Variants in CDH2 observed in about 807,000 individuals in gnomAD.
CDH2 encodes the protein cadherin 2.
In CDH2, 17 loss-of-function variants were observed where a neutral mutation model predicts 92.0. That is an observed-to-expected ratio of 0.18 (90% CI 0.13 to 0.28). The LOEUF (loss-of-function observed/expected upper bound fraction) is 0.28, where lower values mean the gene tolerates loss of function less well. CDH2 is among the 10% of genes least tolerant of loss of function. The probability of loss-of-function intolerance (pLI) is 1.00; values close to 1 mark genes in which losing one functional copy is unlikely to be tolerated. For synonymous variants in CDH2, 419 were observed against 415.9 expected (o/e 1.01, Z -0.09); for missense variants, 862 against 1,133.1 (o/e 0.76, Z 3.44).
At chr18:27,969,122 G>A (rs1277259509) in intron 14 of CDH2, among the ~76,000 whole-genome samples, 1 of 152,174 alleles carries the variant, frequency 6.6e-6, no homozygotes, top group Admixed American at 6.5e-5. Flanking sequence ...GTGAAACGAT[G>A]TGGAAAACTA....
At chr18:27,986,811 C>T (rs1353416263) in intron 11 of CDH2, among the ~76,000 whole-genome samples, 6 of 152,176 alleles carry the variant, frequency 3.9e-5, no homozygotes, top group African/African-American at 1.4e-4. Context: ...ACCACCATGA[C>T]CACTATGATA....
rs2014013411 is a variant in CDH2, at chr18:28,043,890, A to AGTT, written c.173-29982_173-29981insAAC. ...AGTCTCATCTTTCTCAGAATCTCGG[A>AGTT]TTTTTTTTTTTTTTTTTTTTTTTTT... On this transcript the variant is annotated intron_variant, in intron 2 of 15. Transcript: ENST00000269141. 8.5e-4 allele frequency among the ~76,000 whole-genome samples: 78 copies of AGTT among 91,466 alleles called. 2 individuals carry two copies. The highest frequency in any genetic ancestry group is 2.5e-3 in the African/African-American group (65 of 25,766). The allele number at this position is 91,466 out of a possible 152,430, so 60.0% of individuals were successfully genotyped here. A position where few individuals can be genotyped will look rare whatever the true frequency, so the allele number is the denominator to read the frequency against.
chr18:28,037,955 A>G (rs1431942239), intron 2 of CDH2, among the ~76,000 whole-genome samples: 2 of 152,200 alleles, frequency 1.3e-5, no homozygotes, highest in Non-Finnish European at 2.9e-5. Context: ...ATGGGTAGCT[A>G]ATAGTATGTG....
intron 1 of CDH2, among the ~76,000 whole-genome samples, chr18:28,161,580 G>GAAAAAAAAAAAAAAAAAAAAAA (rs35615619): frequency 2.0e-5 from 1 of 49,790 alleles, no homozygotes; most frequent in African/African-American, 7.8e-5. Context: ...ACCCTGTCTC[G>GAAAAAAAAAAAAAAAAAAAAAA]AAAAAAAAAA....
chr18:28,167,220 G>C (rs187580946), intron 1 of CDH2, among the ~76,000 whole-genome samples: 1 of 152,238 alleles, frequency 6.6e-6, no homozygotes, highest in African/African-American at 2.4e-5. Context: ...AAGGACAAGA[G>C]AGACTATAAC....
At chr18:28,027,225 T>C (rs1230319863) in intron 2 of CDH2, among the ~76,000 whole-genome samples, 1 of 152,062 alleles carries the variant, frequency 6.6e-6, no homozygotes, top group Non-Finnish European at 1.5e-5. Context: ...AGGCCTCAGC[T>C]TGAGTGACCT....
chr18:27,990,387 A>G (rs770952104), intron 9 of CDH2, 37 bp from the exon 10 acceptor site: 8 of 1,583,318 alleles, frequency 5.1e-6, no homozygotes, highest in Non-Finnish European at 6.9e-6. Context: ...TTTGCAGGAA[A>G]TAAGAATGCT....
intron 2 of CDH2, among the ~76,000 whole-genome samples, chr18:28,050,746 C>A (rs918898455): frequency 6.6e-6 from 1 of 152,168 alleles, no homozygotes; most frequent in Non-Finnish European, 1.5e-5. Context: ...ATTCCCACCC[C>A]CAGATGGTCC....
intron 2 of CDH2, among the ~76,000 whole-genome samples, chr18:28,084,054 A>C (rs550501567): frequency 6.6e-6 from 1 of 152,196 alleles, no homozygotes; most frequent in South Asian, 2.1e-4. Flanking sequence ...ATCAGCCATG[A>C]AGACTTTTGT....
intron 15 of CDH2, among the ~76,000 whole-genome samples, chr18:27,956,634 T>C (rs969458260): frequency 6.6e-6 from 1 of 152,118 alleles, no homozygotes; most frequent in Non-Finnish European, 1.5e-5. Context: ...TTCCAGCTTC[T>C]TTCCTACAAA....
chr18:27,949,278 G>A (rs2143845360), downstream of CDH2, among the ~76,000 whole-genome samples: 1 of 152,050 alleles, frequency 6.6e-6, no homozygotes, highest in Non-Finnish European at 1.5e-5. Flanking sequence ...GCACTTTTAA[G>A]CATGCTAAAA....
intron 7 of CDH2, among the ~76,000 whole-genome samples, chr18:27,996,143 T>C (rs922095130): frequency 6.6e-6 from 1 of 152,148 alleles, no homozygotes; most frequent in Non-Finnish European, 1.5e-5. Flanking sequence ...AACTCGCCTA[T>C]TTTACAAAAG....
At chr18:27,984,587 C>CT (rs1156704100) in intron 13 of CDH2, among the ~76,000 whole-genome samples, 2 of 152,154 alleles carry the variant, frequency 1.3e-5, no homozygotes, top group Non-Finnish European at 2.9e-5. Flanking sequence ...GCTGACTGTG[C>CT]TTTATATGAA....
At chr18:28,082,573 T>G (rs957667160) in intron 2 of CDH2, among the ~76,000 whole-genome samples, 2 of 152,146 alleles carry the variant, frequency 1.3e-5, no homozygotes, top group Non-Finnish European at 2.9e-5. Context: ...TTAATTTACA[T>G]TTTTTTCCTA....
intron 6 of CDH2, among the ~76,000 whole-genome samples, chr18:27,940,373 C>T (rs1325336176): frequency 6.6e-6 from 1 of 152,080 alleles, no homozygotes; most frequent in Non-Finnish European, 1.5e-5. Flanking sequence ...GGGAGCCAGG[C>T]AGTATTTTCA....
At chr18:28,124,812 T>C (rs1047038316) in intron 2 of CDH2, among the ~76,000 whole-genome samples, 7 of 152,210 alleles carry the variant, frequency 4.6e-5, no homozygotes, top group Non-Finnish European at 7.3e-5. Context: ...ACTAAATAGC[T>C]GTACAGTGTG....
At chr18:28,069,479 G>A (rs1225657764) in intron 2 of CDH2, among the ~76,000 whole-genome samples, 1 of 152,060 alleles carries the variant, frequency 6.6e-6, no homozygotes, top group Non-Finnish European at 1.5e-5. Flanking sequence ...CAACTTTCAA[G>A]TACCCAGAAC....
At chr18:28,065,857 C>T (rs545156571) in intron 2 of CDH2, among the ~76,000 whole-genome samples, 1 of 152,142 alleles carries the variant, frequency 6.6e-6, no homozygotes, top group African/African-American at 2.4e-5. Context: ...ATTGGCAACA[C>T]CAAACTTAAA....
chr18:28,099,785 TGCA>T (rs1254194573), intron 2 of CDH2, among the ~76,000 whole-genome samples: 2 of 152,148 alleles, frequency 1.3e-5, no homozygotes, highest in Non-Finnish European at 2.9e-5. Flanking sequence ...TGAAAGCATG[TGCA>T]ATTTCAGATA....
Sources: allele counts gnomAD v4.1 joint callset (sites outside exome capture counted in the v4.1 genomes callset), GRCh38; gene constraint gnomAD v4.1.1; transcripts MANE v1.5; gene names NCBI Gene and HGNC (gene_info 2026-07-23, HGNC 2026-07-21).